The following PTPRM variants were observed in gnomAD, a reference collection of about 807,000 sequenced individuals.
PTPRM encodes receptor-type tyrosine-protein phosphatase mu.
A neutral mutation model predicts 186.7 loss-of-function variants in PTPRM; 47 were observed. The observed-to-expected ratio is 0.25, with a 90% CI of 0.20 to 0.32. The LOEUF (loss-of-function observed/expected upper bound fraction) is 0.32, where lower values mean the gene tolerates loss of function less well. Among genes scored for constraint, PTPRM ranks in the 10% least tolerant of loss-of-function variants. The pLI, the probability that PTPRM is intolerant of heterozygous loss-of-function variation, is 1.00. For synonymous variants in PTPRM, 668 were observed against 674.9 expected, an observed-to-expected ratio of 0.99 and a Z score of 0.16; for missense variants, 1,494 against 1,865.0, an observed-to-expected ratio of 0.80 and a Z score of 3.66.
chr18:7,732,148 A>C (rs1489301428), intron 1 of PTPRM, among the ~76,000 whole-genome samples: 1 of 152,166 alleles, frequency 6.6e-6, no homozygotes, highest in Non-Finnish European at 1.5e-5. Flanking sequence ...AAAGGAGTAC[A>C]CAGGTTCCTT....
chr18:7,861,343 ACACT>A lies in PTPRM; in HGVS notation c.197-26760_197-26757del, dbSNP rs148330465. Among the ~76,000 whole-genome samples the A allele has an allele frequency of 7.7e-3, 1,167 of 152,318 alleles. 14 individuals are homozygous for A. Among genetic ancestry groups the A allele is most frequent in the African/African-American group, 0.027 (1,105 of 41,566 alleles). On this transcript the variant is annotated intron_variant, in intron 2 of 32. Transcript: ENST00000580170. Reference sequence around the variant, plus strand: ...AAACAGAATAATGATTAAAATAAACACACTCAGTATTTATAGTAATATGAAAACT... The same window carrying A: ...AAACAGAATAATGATTAAAATAAACACAGTATTTATAGTAATATGAAAACT...
intron 4 of PTPRM, among the ~76,000 whole-genome samples, chr18:7,921,064 G>A (rs1013426738): frequency 2.6e-5 from 4 of 151,802 alleles, no homozygotes; most frequent in Admixed American, 2.6e-4. Context: ...TATATCTTTT[G>A]GGGTAGCCTT....
intron 7 of PTPRM, among the ~76,000 whole-genome samples, chr18:8,017,167 C>T (rs1018858470): frequency 3.9e-5 from 6 of 152,014 alleles, no homozygotes; most frequent in Non-Finnish European, 8.8e-5. Flanking sequence ...TTTATTATTT[C>T]AGGTGTTTTA....
intron 15 of PTPRM, among the ~76,000 whole-genome samples, chr18:8,245,094 G>C (rs933186291): frequency 1.3e-5 from 2 of 152,162 alleles, no homozygotes; most frequent in Non-Finnish European, 2.9e-5. Flanking sequence ...ATCTGGCGTG[G>C]GGCGACTGGG....
rs1409089408 is a variant in PTPRM, at chr18:8,035,649, G to GAA, written c.1133-34036_1133-34035insAA. Among the ~76,000 whole-genome samples, 310 of 152,240 alleles carry GAA rather than the reference G, an allele frequency of 2.0e-3. 4 individuals are homozygous for GAA. Among genetic ancestry groups the GAA allele is most frequent in the African/African-American group, 7.1e-3 (296 of 41,556 alleles). ...GCAGAAATTGCAGATACGGAGGGCT[G>GAA]ACTGTACCTATAAAAAGAGGACAGA... On this transcript the variant is annotated intron_variant, in intron 7 of 32. Coordinates refer to ENST00000580170, the MANE Select transcript of PTPRM (RefSeq NM_001105244.2).
chr18:8,021,482 C>G (rs1013449224), intron 7 of PTPRM, among the ~76,000 whole-genome samples: 3 of 135,114 alleles, frequency 2.2e-5, no homozygotes, highest in African/African-American at 8.7e-5. Context: ...TTAAGCCCCG[C>G]GTGCATTAGG....
chr18:8,402,191 GC>G (rs2095875869), intron 32 of PTPRM, among the ~76,000 whole-genome samples: 1 of 152,202 alleles, frequency 6.6e-6, no homozygotes, highest in Non-Finnish European at 1.5e-5. Context: ...AAGATTTCAG[GC>G]ATTTACCCAG....
intron 7 of PTPRM, among the ~76,000 whole-genome samples, chr18:8,065,229 T>C (rs2088967134): frequency 6.6e-6 from 1 of 152,152 alleles, no homozygotes; most frequent in Admixed American, 6.5e-5. Context: ...CAATGGAAAT[T>C]GATCCTATCA....
chr18:7,916,266 A>G (rs114896672), intron 4 of PTPRM, among the ~76,000 whole-genome samples: 119 of 152,130 alleles, frequency 7.8e-4, no homozygotes, highest in African/African-American at 2.8e-3. Context: ...AAACTTTAAA[A>G]GAAAGTGATA....
At chr18:8,249,618 G>T (rs771702255) in intron 17 of PTPRM, among the ~76,000 whole-genome samples, 1 of 152,228 alleles carries the variant, frequency 6.6e-6, no homozygotes, top group Middle Eastern at 3.4e-3. Context: ...TCTGACCTTG[G>T]GGGAGCCGTG....
chr18:8,054,668 G>GTA, intron 7 of PTPRM, among the ~76,000 whole-genome samples: 1 of 151,972 alleles, frequency 6.6e-6, no homozygotes, highest in East Asian at 1.9e-4. Context: ...GTCTAATTCT[G>GTA]TATATATAAA....
intron 2 of PTPRM, among the ~76,000 whole-genome samples, chr18:7,869,776 G>A (rs889901683): frequency 2.6e-5 from 4 of 152,164 alleles, no homozygotes; most frequent in African/African-American, 9.7e-5. Flanking sequence ...TGATTTTTCT[G>A]AGGATATTCT....
chr18:7,599,540 A>G (rs2037347989), intron 1 of PTPRM, among the ~76,000 whole-genome samples: 1 of 152,164 alleles, frequency 6.6e-6, no homozygotes, highest in African/African-American at 2.4e-5. Flanking sequence ...AGCTCCCAAC[A>G]GCTCTCATCA....
chr18:8,146,546 G>A (rs2092892215), intron 14 of PTPRM, among the ~76,000 whole-genome samples: 1 of 151,500 alleles, frequency 6.6e-6, no homozygotes, highest in African/African-American at 2.4e-5. Context: ...GTAGGTTCTG[G>A]ATATTAGCCC....
intron 1 of PTPRM, among the ~76,000 whole-genome samples, chr18:7,738,214 A>G (rs2040811812): frequency 6.6e-6 from 1 of 152,226 alleles, no homozygotes; most frequent in Non-Finnish European, 1.5e-5. Flanking sequence ...TGCAATCAAC[A>G]CATTTTTGCC....
chr18:8,048,579 C>A (rs1265343573), intron 7 of PTPRM, among the ~76,000 whole-genome samples: 3 of 148,368 alleles, frequency 2.0e-5, no homozygotes, highest in Admixed American at 1.3e-4. Context: ...TTGAGGAAGT[C>A]TTTTTTAAAA....
At chr18:8,329,155 A>G (rs747307784) in intron 22 of PTPRM, among the ~76,000 whole-genome samples, 1 of 152,256 alleles carries the variant, frequency 6.6e-6, no homozygotes, top group African/African-American at 2.4e-5. Context: ...TAAACCTTCA[A>G]GAGTATTTAG....
At chr18:7,843,929 A>G (rs1208407601) in intron 2 of PTPRM, among the ~76,000 whole-genome samples, 5 of 152,162 alleles carry the variant, frequency 3.3e-5, no homozygotes, top group African/African-American at 7.2e-5. Context: ...GGTGTGGACC[A>G]CCTGGGGCTG....
At chr18:8,354,814 G>A (rs1172795125) in intron 23 of PTPRM, among the ~76,000 whole-genome samples, 2 of 152,178 alleles carry the variant, frequency 1.3e-5, no homozygotes, top group African/African-American at 4.8e-5. Context: ...TAGAACAGTG[G>A]CTAAGTGTGC....
Sources: allele counts gnomAD v4.1 joint callset (sites outside exome capture counted in the v4.1 genomes callset), GRCh38; gene constraint gnomAD v4.1.1; transcripts MANE v1.5; gene names NCBI Gene and HGNC (gene_info 2026-07-23, HGNC 2026-07-21).